BCAS3: variants seen among roughly 807,000 people sequenced by gnomAD.
The protein encoded by BCAS3 is BCAS4/BCAS3 fusion.
In BCAS3, 53 loss-of-function variants were observed where a neutral mutation model predicts 116.1. The ratio of observed to expected loss-of-function variants is 0.46; its 90% CI spans 0.37 to 0.57. The LOEUF (loss-of-function observed/expected upper bound fraction) is 0.57, where lower values mean the gene tolerates loss of function less well. Ranked by LOEUF, BCAS3 falls within the 20% of genes least tolerant of loss-of-function variation. The pLI, the probability that BCAS3 is intolerant of heterozygous loss-of-function variation, is 0.00. For missense variants in BCAS3, 917 were observed against 1,165.4 expected, an observed-to-expected ratio of 0.79 and a Z score of 3.10; for synonymous variants, 391 against 408.2, an observed-to-expected ratio of 0.96 and a Z score of 0.51.
intron 14 of BCAS3, among the ~76,000 whole-genome samples, chr17:60,955,346 T>C (rs1161031617): frequency 6.6e-6 from 1 of 151,762 alleles, no homozygotes; most frequent in African/African-American, 2.4e-5. Flanking sequence ...TCACTGATTG[T>C]CCCAGTAACT....
intron 22 of BCAS3, among the ~76,000 whole-genome samples, chr17:61,242,815 A>G (rs2047628956): frequency 6.7e-6 from 1 of 150,312 alleles, no homozygotes; most frequent in African/African-American, 2.4e-5. Context: ...TTCATGAATT[A>G]ACACCAATTT....
chr17:60,977,659 C>T (rs192401846), intron 14 of BCAS3, among the ~76,000 whole-genome samples: 1 of 149,126 alleles, frequency 6.7e-6, no homozygotes, highest in Admixed American at 6.6e-5. Context: ...CCGCTCCCCC[C>T]ACCCCACAAT....
rs1316165257 is a variant in BCAS3, at chr17:61,376,328, A to C, written c.2593+7834A>C. Among the ~76,000 whole-genome samples the C allele has an allele frequency of 6.6e-6, 1 of 152,150 alleles. No individual in the cohort carries two copies. Among genetic ancestry groups the C allele is most frequent in the Non-Finnish European group, 1.5e-5 (1 of 68,014 alleles). On this transcript the variant is annotated intron_variant, in intron 23 of 23. Coordinates refer to ENST00000407086, the MANE Select transcript of BCAS3 (RefSeq NM_017679.5). The surrounding 1 kb of genome is among the most constrained non-coding windows in gnomAD (Gnocchi z 4.5). ...TGTGAGCTGAAGATGCTGCCTTCAC[A>C]GGGCCATCGTGGCTCATAGCCCCAT...
rs934634517 is a variant in BCAS3, at chr17:61,063,705, C to T, written c.2030-11215C>T. On this transcript the variant is annotated intron_variant, in intron 19 of 23. Transcript: ENST00000407086. This position sits in a 1 kb window ranked among gnomAD's most constrained non-coding sequence, Gnocchi z 5.3. Reference sequence around the variant, plus strand: ...CCCATTAAGTGAAAAGTTTGCTCACCTTTAATTTTTCAGTCAGAATTGGGG... The same window carrying T: ...CCCATTAAGTGAAAAGTTTGCTCACTTTTAATTTTTCAGTCAGAATTGGGG... Among the ~76,000 whole-genome samples, 1 of 152,134 alleles carries T rather than the reference C, an allele frequency of 6.6e-6. No individual in the cohort carries two copies. The highest frequency in any genetic ancestry group is 2.4e-5 in the African/African-American group (1 of 41,428).
chr17:61,097,535 G>C lies in BCAS3; in HGVS notation c.2425+12971G>C, dbSNP rs1007688279. Among the ~76,000 whole-genome samples, 8 of 152,168 alleles carry C rather than the reference G, an allele frequency of 5.3e-5. No individual in the cohort carries two copies. Among genetic ancestry groups the C allele is most frequent in the Admixed American group, 2.6e-4 (4 of 15,274 alleles). On this transcript the variant is annotated intron_variant, in intron 22 of 23. Transcript: ENST00000407086. The surrounding 1 kb of genome is among the most constrained non-coding windows in gnomAD (Gnocchi z 4.0). Reference sequence around the variant, plus strand: ...TTTGATAAAAAGAGAAATTGGAAAAGTAGCAGGGTGATTTTTAAGTTTCCT... The same window carrying C: ...TTTGATAAAAAGAGAAATTGGAAAACTAGCAGGGTGATTTTTAAGTTTCCT...
rs943971829 is a variant in BCAS3 at position 61,128,671 on chromosome 17, C to T, written c.2425+44107C>T. On this transcript the variant is annotated intron_variant, in intron 22 of 23. Transcript: ENST00000407086. This position sits in a 1 kb window ranked among gnomAD's most constrained non-coding sequence, Gnocchi z 4.1. ...GCCCTCTTTTGTATTGTTTCTGCAT[C>T]GTCCTGTCAAACATCTGGAAACCAG... 2.9e-5 allele frequency: 26 copies of T among 886,964 alleles called. No individual in the cohort carries two copies. The highest frequency in any genetic ancestry group is 3.4e-5 in the Non-Finnish European group (25 of 740,618). 54.9% of individuals were successfully genotyped at this position (886,964 alleles called of 1,614,324 possible).
At chr17:61,216,442 C>G (rs981165319) in intron 22 of BCAS3, among the ~76,000 whole-genome samples, 5 of 152,120 alleles carry the variant, frequency 3.3e-5, no homozygotes, top group African/African-American at 1.2e-4. Flanking sequence ...CTCAAATCGA[C>G]ATATCAAATT....
At chr17:61,231,094 G>A (rs1437305419) in intron 22 of BCAS3, among the ~76,000 whole-genome samples, 1 of 150,840 alleles carries the variant, frequency 6.6e-6, no homozygotes, top group East Asian at 2.0e-4. Flanking sequence ...GTGAGCTGCT[G>A]TACCTGACCT....
At chr17:61,119,988 A>G (rs572501703) in intron 22 of BCAS3, among the ~76,000 whole-genome samples, 2 of 152,210 alleles carry the variant, frequency 1.3e-5, no homozygotes, top group African/African-American at 4.8e-5. Flanking sequence ...GTGATTAAAA[A>G]ATTATTTACA....
At position 61,256,294 on chromosome 17, in the gene BCAS3, T is replaced by G. The variant is rs1259534846; in HGVS notation, c.2426-112033T>G. 1.1e-4 allele frequency among the ~76,000 whole-genome samples: 16 copies of G among 152,000 alleles called. No homozygotes were observed. The highest frequency in any genetic ancestry group is 1.5e-5 in the Non-Finnish European group (1 of 67,980). On this transcript the variant is annotated intron_variant, in intron 22 of 23. Transcript: ENST00000407086. The surrounding 1 kb of genome is among the most constrained non-coding windows in gnomAD (Gnocchi z 5.6). ...TGTTTGTTTGTTTTTCATTTATTTT[T>G]ATTTATTTTATTTTATTTTTATTTT...
Position 61,104,481 on chromosome 17 carries a change from A to G in BCAS3, c.2425+19917A>G, listed in dbSNP as rs2143685838. Among the ~76,000 whole-genome samples the G allele has an allele frequency of 6.6e-6, 1 of 152,348 alleles. No individual in the cohort carries two copies. The highest frequency in any genetic ancestry group is 1.9e-4 in the East Asian group (1 of 5,190). ...GCACATAGGGCAAATGCCTTGGAAC[A>G]TCAGTAATTACTATTTGAGGCAACC... On this transcript the variant is annotated intron_variant, in intron 22 of 23. Transcript: ENST00000407086. This position sits in a 1 kb window ranked among gnomAD's most constrained non-coding sequence, Gnocchi z 4.1.
At chr17:60,955,130 A>AT in intron 14 of BCAS3, among the ~76,000 whole-genome samples, 2 of 152,136 alleles carry the variant, frequency 1.3e-5, no homozygotes, top group South Asian at 4.1e-4. Context: ...TACCTCATTG[A>AT]TTTTTATATG....
chr17:60,809,153 A>T (rs1429008689), intron 7 of BCAS3, among the ~76,000 whole-genome samples: 2 of 151,776 alleles, frequency 1.3e-5, no homozygotes, highest in Non-Finnish European at 2.9e-5. Context: ...GTGTGGTGGC[A>T]TGTGCCTATA....
Position 61,355,122 on chromosome 17 carries a change from T to C in BCAS3, c.2426-13205T>C, listed in dbSNP as rs2143385126. The C allele has an allele frequency of 6.6e-6, 1 of 151,890 alleles. No homozygotes were observed. The highest frequency in any genetic ancestry group is 6.5e-5 in the Admixed American group (1 of 15,270). The allele number at this position is 151,890 out of a possible 1,614,324, so 9.4% of individuals were successfully genotyped here. ...CTGGGGAGGCAGAGAGTTCGCACTCTGAGGAAACGCAGATCCTCAGAGGAG... is the reference window on the plus strand; with the variant it reads ...CTGGGGAGGCAGAGAGTTCGCACTCCGAGGAAACGCAGATCCTCAGAGGAG... On this transcript the variant is annotated intron_variant, in intron 22 of 23. Coordinates refer to ENST00000407086, the MANE Select transcript of BCAS3 (RefSeq NM_017679.5). This position sits in a 1 kb window ranked among gnomAD's most constrained non-coding sequence, Gnocchi z 4.2.
In BCAS3 at chr17:60,964,358, A is replaced by C. The variant is rs762745384; in HGVS notation, c.1221+17006A>C. On this transcript the variant is annotated intron_variant, in intron 14 of 23. Transcript: ENST00000407086. The surrounding 1 kb of genome is among the most constrained non-coding windows in gnomAD (Gnocchi z 4.6). ...ATGTTTATTGAGTTGCTTATGTTGA[A>C]CCATCCTTGCATCCCTGGAATGAAT... Among the ~76,000 whole-genome samples the C allele has an allele frequency of 1.3e-5, 2 of 152,106 alleles. No homozygotes were observed. The highest frequency in any genetic ancestry group is 4.8e-5 in the African/African-American group (2 of 41,414).
rs1169330469 is a variant in BCAS3 at position 61,378,184 on chromosome 17, A to G, written c.2593+9690A>G. On this transcript the variant is annotated intron_variant, in intron 23 of 23. Coordinates refer to ENST00000407086, the MANE Select transcript of BCAS3 (RefSeq NM_017679.5). This position sits in a 1 kb window ranked among gnomAD's most constrained non-coding sequence, Gnocchi z 5.8. ...ACCCCTTCTGCAGTAACCTCTGCAT[A>G]TTTCACCTCCTCCACCTTCTTGCCA... 1 of 151,906 alleles carries G rather than the reference A, an allele frequency of 6.6e-6. No homozygotes were observed. The highest frequency in any genetic ancestry group is 2.4e-5 in the African/African-American group (1 of 41,280). 9.4% of individuals were successfully genotyped at this position (151,906 alleles called of 1,614,324 possible). A position where few individuals can be genotyped will look rare whatever the true frequency, so the allele number is the denominator to read the frequency against.
chr17:60,742,417 C>CCTTGACATCTTT (rs1343273669), intron 5 of BCAS3, among the ~76,000 whole-genome samples: 2 of 150,134 alleles, frequency 1.3e-5, no homozygotes, highest in Non-Finnish European at 3.0e-5. Context: ...TCACAATTTT[C>CCTTGACATCTTT]CTTGACATCT....
At chr17:60,756,616 A>G (rs1396661437) in intron 6 of BCAS3, among the ~76,000 whole-genome samples, 1 of 152,090 alleles carries the variant, frequency 6.6e-6, no homozygotes, top group Non-Finnish European at 1.5e-5. Context: ...TTATTTTTTT[A>G]TGGCCACATA....
intron 22 of BCAS3, among the ~76,000 whole-genome samples, chr17:61,270,811 C>T (rs529091240): frequency 1.5e-4 from 23 of 152,104 alleles, no homozygotes; most frequent in South Asian, 2.1e-4. Flanking sequence ...GGTGCAATCT[C>T]GGCTCACCGC....
Sources: allele counts gnomAD v4.1 joint callset (sites outside exome capture counted in the v4.1 genomes callset), GRCh38; gene constraint gnomAD v4.1.1; non-coding constraint Gnocchi (gnomAD v3.1); transcripts MANE v1.5; gene names NCBI Gene and HGNC (gene_info 2026-07-23, HGNC 2026-07-21).